COX6B2: variants seen among roughly 807,000 people sequenced by gnomAD.
COX6B2 encodes the protein cytochrome c oxidase subunit 6B2, also known as COX VIb-2.
A neutral mutation model predicts 13.7 loss-of-function variants in COX6B2; 12 were observed. The observed-to-expected ratio is 0.87, with a 90% CI of 0.56 to 1.41. The LOEUF (loss-of-function observed/expected upper bound fraction) is 1.41, where lower values mean the gene tolerates loss of function less well. Ranked by LOEUF, COX6B2 falls within the 40% of genes most tolerant of loss-of-function variation. The pLI is 0.00. For missense variants in COX6B2, 130 were observed against 118.3 expected (o/e 1.10, Z -0.46); for synonymous variants, 56 against 46.6 (o/e 1.20, Z -0.82).
Position 55,353,878 on chromosome 19 carries a change from G to C in COX6B2, c.201C>G (p.Cys67Trp). The change falls in exon 3 of 5, where the codon TGC (cysteine) becomes TGG (tryptophan). Residue 67 changes from cysteine to tryptophan, a missense_variant. Physicochemically the swap from Cys to Trp is radical, Grantham distance 215. Transcript: ENST00000326529. ...TCTGCCGACTCACCCAGCTGATGGG[G>C]CACAGCGAGTGGTACACGCGGAAAT... is the stretch of plus-strand genomic sequence containing the variant. ...EYYFRVYHSLCPISWVESWNE... is the reference protein window; with the variant it reads ...EYYFRVYHSLWPISWVESWNE... The C allele has an allele frequency of 1.9e-6, 3 of 1,574,730 alleles. No homozygotes were observed. Among genetic ancestry groups the C allele is most frequent in the Non-Finnish European group, 2.6e-6 (3 of 1,160,926 alleles).
Position 55,354,546 on chromosome 19 carries a change from G to A in COX6B2, c.-18-7C>T. Reference sequence around the variant, plus strand: ...TCCACGAAGGAGGCAACTCCTGCGAGACGGGACGGGACGGGGACTCCGTGG... The same window carrying A: ...TCCACGAAGGAGGCAACTCCTGCGAAACGGGACGGGACGGGGACTCCGTGG... On this transcript the variant is annotated splice_region_variant and splice_polypyrimidine_tract_variant and intron_variant, in intron 1 of 4. Coordinates refer to ENST00000326529, the MANE Select transcript of COX6B2 (RefSeq NM_144613.5). The A allele has an allele frequency of 6.6e-7, 1 of 1,516,194 alleles. No homozygotes were observed. The highest frequency in any genetic ancestry group is 9.1e-7 in the Non-Finnish European group (1 of 1,102,038). 93.9% of individuals were successfully genotyped at this position (1,516,194 alleles called of 1,614,324 possible).
intron 4 of COX6B2, chr19:55,353,401 G>A (rs2123216306): frequency 2.1e-6 from 1 of 467,290 alleles, no homozygotes; most frequent in Non-Finnish European, 3.9e-6. Context: ...CTGCTGGAAT[G>A]GAGAGGGAGA....
intron 4 of COX6B2, 108 bp downstream of exon 4, chr19:55,353,499 T>G: frequency 6.7e-6 from 4 of 592,822 alleles, no homozygotes; most frequent in African/African-American, 1.9e-5. Context: ...ACCTGCCCCT[T>G]ATCGGAAAAA....
intron 4 of COX6B2, chr19:55,353,135 G>C (rs2089681001): frequency 6.2e-6 from 1 of 160,108 alleles, no homozygotes. Flanking sequence ...AGCCCAGAGA[G>C]TGGGGGAGGA....
chr19:55,354,529 G>A lies in COX6B2; in HGVS notation c.-8C>T, dbSNP rs199913551. The stretch of plus-strand genomic sequence containing the variant: ...GGCTTCCACATCCAACATCCACGAA[G>A]GAGGCAACTCCTGCGAGACGGGACG... On this transcript the variant is annotated 5_prime_UTR_variant, in exon 2 of 5. Coordinates refer to ENST00000326529, the MANE Select transcript of COX6B2 (RefSeq NM_144613.5). 12 of 1,600,412 alleles carry A rather than the reference G, an allele frequency of 7.5e-6. No individual in the cohort carries two copies. The South Asian group carries it at 1.2e-4, about 16-fold the overall frequency.
At chr19:55,351,959 G>GGGA in intron 4 of COX6B2, 1 of 153,550 alleles carries the variant, frequency 6.5e-6, no homozygotes. Context: ...ATAGGATGAT[G>GGGA]GGAGGAGGAG....
In COX6B2 at chr19:55,350,139, A is replaced by T. The variant is rs2089660439; in HGVS notation, c.*776T>A. The T allele has an allele frequency of 6.6e-6, 1 of 152,208 alleles. No homozygotes were observed. Among genetic ancestry groups the T allele is most frequent in the African/African-American group, 2.4e-5 (1 of 41,410 alleles). 9.4% of individuals were successfully genotyped at this position (152,208 alleles called of 1,614,324 possible). ...CGAAACTCTGTCTCAAAAAAAATAA[A>T]AATAAAAATAAAAATGGTGAGGGCG... is the stretch of plus-strand genomic sequence containing the variant. On this transcript the variant is annotated 3_prime_UTR_variant, in exon 5 of 5. Coordinates refer to ENST00000326529, the MANE Select transcript of COX6B2 (RefSeq NM_144613.5). The surrounding 1 kb of genome is among the most constrained non-coding windows in gnomAD (Gnocchi z 4.2).
At position 55,349,736 on chromosome 19, in the gene COX6B2, C is replaced by T. The variant is rs1193051078; in HGVS notation, c.*1179G>A. 3 of 152,280 alleles carry T rather than the reference C, an allele frequency of 2.0e-5. No homozygotes were observed. The highest frequency in any genetic ancestry group is 3.4e-3 in the Middle Eastern group (1 of 294). The allele number at this position is 152,280 out of a possible 1,614,324, so 9.4% of individuals were successfully genotyped here. A position where few individuals can be genotyped will look rare whatever the true frequency, so the allele number is the denominator to read the frequency against. On this transcript the variant is annotated 3_prime_UTR_variant, in exon 5 of 5. Transcript: ENST00000326529. ...TGTTGAGAGTATATATTTACATGCA[C>T]ATTTTTTATAGGGGGTTCAGAGCGT... is the stretch of plus-strand genomic sequence containing the variant.
rs376486513 is a variant in COX6B2 at position 55,354,549 on chromosome 19, G to C, written c.-18-10C>G. On this transcript the variant is annotated splice_polypyrimidine_tract_variant and intron_variant, in intron 1 of 4. Transcript: ENST00000326529. ...ACGAAGGAGGCAACTCCTGCGAGAC[G>C]GGACGGGACGGGGACTCCGTGGGGC... The C allele has an allele frequency of 2.6e-6, 4 of 1,515,582 alleles. No individual in the cohort carries two copies. The highest frequency in any genetic ancestry group is 2.7e-5 in the African/African-American group (2 of 72,988). The allele number at this position is 1,515,582 out of a possible 1,614,324, so 93.9% of individuals were successfully genotyped here.
chr19:55,353,276 G>A lies in COX6B2; in HGVS notation c.*114+331C>T, dbSNP rs535326286. 24 of 282,688 alleles carry A rather than the reference G, an allele frequency of 8.5e-5. No homozygotes were observed. In the East Asian group the frequency reaches 1.3e-3, roughly 16 times the overall value. The allele number at this position is 282,688 out of a possible 1,614,324, so 17.5% of individuals were successfully genotyped here. ...GGAGGGGAGTAGGGAAAGGACTGAG[G>A]TGAGAGGTAGGTGTGGTGATTGGAG... On this transcript the variant is annotated intron_variant, in intron 4 of 4. Transcript: ENST00000326529.
rs147595815 is a variant in COX6B2 at position 55,352,296 on chromosome 19, A to C, written c.*114+1311T>G. 6 of 152,420 alleles carry C rather than the reference A, an allele frequency of 3.9e-5. No individual in the cohort carries two copies. The highest frequency in any genetic ancestry group is 1.4e-4 in the African/African-American group (6 of 41,558). 9.4% of individuals were successfully genotyped at this position (152,420 alleles called of 1,614,324 possible). On this transcript the variant is annotated intron_variant, in intron 4 of 4. Coordinates refer to ENST00000326529, the MANE Select transcript of COX6B2 (RefSeq NM_144613.5). The surrounding 1 kb of genome is among the most constrained non-coding windows in gnomAD (Gnocchi z 6.2). ...AGACCAAGATCTCAGAGGTGGCGTC[A>C]TCCTGGGGGATGGCTCATCTAGGGT...
At chr19:55,354,157 GCCC>G in intron 2 of COX6B2, 191 bp from the exon 3 acceptor site, 2 of 640,986 alleles carry the variant, frequency 3.1e-6, no homozygotes, top group East Asian at 2.7e-5. Context: ...CCCAGACCCT[GCCC>G]CTACCTACCT....
intron 2 of COX6B2, 160 bp downstream of exon 2, chr19:55,354,250 C>G (rs1355813775): frequency 7.5e-6 from 5 of 663,408 alleles, no homozygotes; most frequent in Non-Finnish European, 5.1e-6. Flanking sequence ...CCCCTCCAGG[C>G]TCAGCCCCGC....
In COX6B2 at chr19:55,353,964, A is replaced by G. The variant is rs1039130868; in HGVS notation, c.115T>C (p.Tyr39His). The G allele has an allele frequency of 8.4e-6, 13 of 1,546,078 alleles. No individual in the cohort carries two copies. Among genetic ancestry groups the G allele is most frequent in the Non-Finnish European group, 1.1e-5 (13 of 1,149,826 alleles). ...IRNCYQNFLD[Y>H]HRCLKTRTRR... is the part of the protein sequence containing the mutation. Reference sequence around the variant, plus strand: ...GTCCTGGTCTTGAGGCAGCGGTGGTAGTCTGTGGCGGGCGGGGGTCACGCG... The same window carrying G: ...GTCCTGGTCTTGAGGCAGCGGTGGTGGTCTGTGGCGGGCGGGGGTCACGCG... Residue 39 changes from tyrosine to histidine, a missense_variant and splice_region_variant, in exon 3 of 5, where the codon TAC becomes CAC. Transcript: ENST00000326529.
At chr19:55,351,757 ACAC>A (rs1311783405) in intron 4 of COX6B2, 2 of 152,234 alleles carry the variant, frequency 1.3e-5, no homozygotes, top group African/African-American at 2.4e-5. Flanking sequence ...CGGCTACTGG[ACAC>A]CAGGGAAAGC....
chr19:55,353,526 C>CA, intron 4 of COX6B2, 81 bp downstream of exon 4: 1 of 625,714 alleles, frequency 1.6e-6, no homozygotes. Context: ...TTAGCCCGGA[C>CA]ACAGGCACAC....
At chr19:55,353,812 A>G in intron 3 of COX6B2, 38 bp from the exon 4 acceptor site, 1 of 1,594,308 alleles carries the variant, frequency 6.3e-7, no homozygotes, top group Non-Finnish European at 8.5e-7. Context: ...ACGCCGGCTC[A>G]GCCTCGGCCG....
chr19:55,353,575 G>T, intron 4 of COX6B2, 32 bp downstream of exon 4: 1 of 754,410 alleles, frequency 1.3e-6, no homozygotes, highest in Non-Finnish European at 2.1e-6. Context: ...TCGCTGGCTG[G>T]GCATTAAGAA....
chr19:55,349,806 C>T lies in COX6B2; in HGVS notation c.*1109G>A, dbSNP rs554721425. On this transcript the variant is annotated 3_prime_UTR_variant, in exon 5 of 5. Coordinates refer to ENST00000326529, the MANE Select transcript of COX6B2 (RefSeq NM_144613.5). ...TTCTGTATCCGCCTCTCCTCTGCCCCCACCCCACCCCCAACAAAAAGGGCT... is the reference window on the plus strand; with the variant it reads ...TTCTGTATCCGCCTCTCCTCTGCCCTCACCCCACCCCCAACAAAAAGGGCT... 4 of 152,402 alleles carry T rather than the reference C, an allele frequency of 2.6e-5. No individual in the cohort carries two copies. The highest frequency in any genetic ancestry group is 5.9e-5 in the Non-Finnish European group (4 of 68,080). The allele number at this position is 152,402 out of a possible 1,614,324, so 9.4% of individuals were successfully genotyped here.
Sources: allele counts gnomAD v4.1 joint callset, GRCh38; gene constraint gnomAD v4.1.1; non-coding constraint Gnocchi (gnomAD v3.1); transcripts MANE v1.5; gene names NCBI Gene and HGNC (gene_info 2026-07-23, HGNC 2026-07-21).